APCDD1: variants seen among roughly 807,000 people sequenced by gnomAD.
APCDD1 encodes the protein APC down-regulated 1.
Under a neutral mutation model 38.1 loss-of-function variants are expected in APCDD1, and 15 were observed. The ratio of observed to expected loss-of-function variants is 0.39; its 90% CI spans 0.26 to 0.61. The LOEUF (loss-of-function observed/expected upper bound fraction) is 0.61, where lower values mean the gene tolerates loss of function less well. APCDD1 is among the 20% of genes least tolerant of loss of function. APCDD1 has a pLI of 0.49. For missense variants in APCDD1, 647 were observed against 696.2 expected (o/e 0.93, Z 0.79); for synonymous variants, 261 against 279.7 (o/e 0.93, Z 0.67).
chr18:10,477,680 T>TAAAAAG, intron 3 of APCDD1: 1 of 152,318 alleles, frequency 6.6e-6, no homozygotes, highest in African/African-American at 2.4e-5. Context: ...ATTGGCCATT[T>TAAAAAG]AAAAAGTACG....
rs1454768423 is a variant in APCDD1, at chr18:10,470,738, A to G, written c.243-792A>G. On this transcript the variant is annotated intron_variant, in intron 2 of 4. Transcript: ENST00000355285. This position sits in a 1 kb window ranked among gnomAD's most constrained non-coding sequence, Gnocchi z 4.1. ...TACCCCCATTGCAGCCTCAGCTAGT[A>G]TATGTGAATGGCTGACAGAGCCGTT... Among the ~76,000 whole-genome samples, 2 of 152,212 alleles carry G rather than the reference A, an allele frequency of 1.3e-5. No homozygotes were observed. Among genetic ancestry groups the G allele is most frequent in the Admixed American group, 6.5e-5 (1 of 15,284 alleles).
At position 10,488,075 on chromosome 18, in the gene APCDD1, C is replaced by T. The variant is rs1194856489; in HGVS notation, c.*37C>T. The T allele has an allele frequency of 5.0e-6, 8 of 1,608,776 alleles. No individual in the cohort carries two copies. The highest frequency in any genetic ancestry group is 4.5e-5 in the East Asian group (2 of 44,884). On this transcript the variant is annotated 3_prime_UTR_variant, in exon 5 of 5. Transcript: ENST00000355285. ...AGTTCTATTTTTCCAAACCAGGATT[C>T]CTTACTATTGACAGATTTGCTTTAC...
Position 10,467,262 on chromosome 18 carries a change from G to A in APCDD1, c.59-1207G>A, listed in dbSNP as rs754763738. Among the ~76,000 whole-genome samples the A allele has an allele frequency of 6.6e-5, 10 of 152,102 alleles. No homozygotes were observed. Among genetic ancestry groups the A allele is most frequent in the Non-Finnish European group, 5.9e-5 (4 of 68,022 alleles). ...ATTTTCAAATCATCTCTCAGAAACC[G>A]TGCCTTCTCTATGAAGCTATTTATG... On this transcript the variant is annotated intron_variant, in intron 1 of 4. Coordinates refer to ENST00000355285, the MANE Select transcript of APCDD1 (RefSeq NM_153000.5). The surrounding 1 kb of genome is among the most constrained non-coding windows in gnomAD (Gnocchi z 4.8).
At chr18:10,482,230 ACT>A (rs1308964829) in intron 3 of APCDD1, among the ~76,000 whole-genome samples, 2 of 151,982 alleles carry the variant, frequency 1.3e-5, no homozygotes, top group African/African-American at 2.4e-5. Flanking sequence ...AGGAATTGAG[ACT>A]CTCACCTCCT....
Position 10,454,948 on chromosome 18 carries a change from G to C in APCDD1, c.-34G>C. 1 of 1,492,702 alleles carries C rather than the reference G, an allele frequency of 6.7e-7. No individual in the cohort carries two copies. The highest frequency in any genetic ancestry group is 1.3e-5 in the South Asian group (1 of 78,690). 92.5% of individuals were successfully genotyped at this position (1,492,702 alleles called of 1,614,324 possible). A position where few individuals can be genotyped will look rare whatever the true frequency, so the allele number is the denominator to read the frequency against. ...AGTTGCCCGGGCACCAAATCGGAGC[G>C]CGGCGTGCGGGAGGCCCCAGAGCAG... On this transcript the variant is annotated 5_prime_UTR_variant, in exon 1 of 5. Transcript: ENST00000355285.
At chr18:10,465,407 CCTCA>C (rs1420261907) in intron 1 of APCDD1, among the ~76,000 whole-genome samples, 2 of 152,110 alleles carry the variant, frequency 1.3e-5, no homozygotes, top group African/African-American at 4.8e-5. Flanking sequence ...TTTTTTCTTC[CCTCA>C]CTCATAAATT....
chr18:10,474,425 C>T (rs1194843464), intron 3 of APCDD1, among the ~76,000 whole-genome samples: 1 of 151,992 alleles, frequency 6.6e-6, no homozygotes, highest in Non-Finnish European at 1.5e-5. Flanking sequence ...CCTCAAAACA[C>T]CAAAAAGCAC....
At chr18:10,468,873 TC>T (rs1202019365) in intron 2 of APCDD1, among the ~76,000 whole-genome samples, 36 of 152,250 alleles carry the variant, frequency 2.4e-4, no homozygotes, top group African/African-American at 8.7e-4. Context: ...TATATTGTAC[TC>T]CTGTTAACCA....
chr18:10,476,167 G>A lies in APCDD1; in HGVS notation c.774+4106G>A, dbSNP rs1231350543. On this transcript the variant is annotated intron_variant, in intron 3 of 4. Transcript: ENST00000355285. This position sits in a 1 kb window ranked among gnomAD's most constrained non-coding sequence, Gnocchi z 5.8. ...GAACTCTTCTACTTCCCTAATTGCT[G>A]GTCCATAGAGACCAAGCTGAAAATT... 1 of 152,178 alleles carries A rather than the reference G, an allele frequency of 6.6e-6. No individual in the cohort carries two copies. Among genetic ancestry groups the A allele is most frequent in the African/African-American group, 2.4e-5 (1 of 41,428 alleles). The allele number at this position is 152,178 out of a possible 1,614,324, so 9.4% of individuals were successfully genotyped here. A position where few individuals can be genotyped will look rare whatever the true frequency, so the allele number is the denominator to read the frequency against.
intron 1 of APCDD1, among the ~76,000 whole-genome samples, chr18:10,461,899 T>C (rs1435431553): frequency 6.6e-6 from 1 of 152,180 alleles, no homozygotes; most frequent in East Asian, 1.9e-4. Flanking sequence ...TAGTATATGG[T>C]TTCTAACTCT....
At chr18:10,458,656 C>T (rs117253432) in intron 1 of APCDD1, among the ~76,000 whole-genome samples, 2,658 of 152,218 alleles carry the variant, frequency 0.017, 29 homozygotes, top group Non-Finnish European at 0.026. Flanking sequence ...GAGAAAAGAA[C>T]TAAATATAGG....
intron 1 of APCDD1, among the ~76,000 whole-genome samples, chr18:10,462,047 G>A (rs891558443): frequency 5.9e-5 from 9 of 152,240 alleles, no homozygotes; most frequent in African/African-American, 1.4e-4. Context: ...AACCTGAATC[G>A]TCAAAGAAAG....
rs1433979589 is a variant in APCDD1 at position 10,472,587 on chromosome 18, G to T, written c.774+526G>T. Among the ~76,000 whole-genome samples the T allele has an allele frequency of 6.6e-6, 1 of 152,160 alleles. No individual in the cohort carries two copies. Among genetic ancestry groups the T allele is most frequent in the Non-Finnish European group, 1.5e-5 (1 of 68,026 alleles). On this transcript the variant is annotated intron_variant, in intron 3 of 4. Transcript: ENST00000355285. This position sits in a 1 kb window ranked among gnomAD's most constrained non-coding sequence, Gnocchi z 6.6. ...TGGTGAGTCCCGACACTCTTAGGCA[G>T]AACAGCCTGCTGAGGTCCCAGGGGT... is the stretch of plus-strand genomic sequence containing the variant.
At chr18:10,481,777 C>T (rs2031145124) in intron 3 of APCDD1, among the ~76,000 whole-genome samples, 1 of 151,920 alleles carries the variant, frequency 6.6e-6, no homozygotes, top group African/African-American at 2.4e-5. Flanking sequence ...AATTCTCAGG[C>T]CCACCTGATG....
chr18:10,479,125 T>C (rs2076822625), intron 3 of APCDD1, among the ~76,000 whole-genome samples: 1 of 152,140 alleles, frequency 6.6e-6, no homozygotes. Flanking sequence ...ACCTGCAGGG[T>C]TATCTACAGC....
intron 1 of APCDD1, among the ~76,000 whole-genome samples, chr18:10,457,115 C>G (rs1432579246): frequency 6.6e-6 from 1 of 152,154 alleles, no homozygotes; most frequent in Non-Finnish European, 1.5e-5. Flanking sequence ...TAATGTTGCT[C>G]AAAGGTCTAC....
rs1022711771 is a variant in APCDD1, at chr18:10,470,670, G to T, written c.243-860G>T. 6.6e-6 allele frequency among the ~76,000 whole-genome samples: 1 copy of T among 152,226 alleles called. No individual in the cohort carries two copies. Among genetic ancestry groups the T allele is most frequent in the Non-Finnish European group, 1.5e-5 (1 of 68,044 alleles). On this transcript the variant is annotated intron_variant, in intron 2 of 4. Coordinates refer to ENST00000355285, the MANE Select transcript of APCDD1 (RefSeq NM_153000.5). This position sits in a 1 kb window ranked among gnomAD's most constrained non-coding sequence, Gnocchi z 4.1. ...AACTGAGACTAGGAGCTAACAAAAGGCTAAGGCCAGGTCATTTGGCCAGGG... is the reference window on the plus strand; with the variant it reads ...AACTGAGACTAGGAGCTAACAAAAGTCTAAGGCCAGGTCATTTGGCCAGGG...
At chr18:10,460,501 C>T (rs558886056) in intron 1 of APCDD1, among the ~76,000 whole-genome samples, 8 of 150,772 alleles carry the variant, frequency 5.3e-5, no homozygotes, top group South Asian at 2.1e-4. Flanking sequence ...CCACTGCCCT[C>T]CAGTCTGGGT....
chr18:10,485,563 C>T lies in APCDD1; in HGVS notation c.876C>T (p.His292=), dbSNP rs140388365. ...AGGCAGACCTGACCATCGGCCTGCA[C>T]GGGGAGTGGGTGAGCCAGCGCTGTG... ...PPKADLTIGL[H]GEWVSQRCEV... is the part of the protein sequence containing the mutation. The change falls in exon 4 of 5, where the codon CAC becomes CAT. Residue 292 remains histidine, a synonymous_variant. Coordinates refer to ENST00000355285, the MANE Select transcript of APCDD1 (RefSeq NM_153000.5). The surrounding 1 kb of genome is among the most constrained non-coding windows in gnomAD (Gnocchi z 5.8). 111 of 1,613,958 alleles carry T rather than the reference C, an allele frequency of 6.9e-5. No individual in the cohort carries two copies. The highest frequency in any genetic ancestry group is 6.5e-4 in the Admixed American group (39 of 60,014).
Sources: allele counts gnomAD v4.1 joint callset (sites outside exome capture counted in the v4.1 genomes callset), GRCh38; gene constraint gnomAD v4.1.1; non-coding constraint Gnocchi (gnomAD v3.1); transcripts MANE v1.5; gene names NCBI Gene and HGNC (gene_info 2026-07-23, HGNC 2026-07-21).